The following NOX4 variants were observed in gnomAD, a reference collection of about 807,000 sequenced individuals.
NOX4 encodes kidney oxidase-1.
NOX4 carries 69 observed loss-of-function variants against 87.6 expected under a neutral mutation model. The ratio of observed to expected loss-of-function variants is 0.79; its 90% CI spans 0.65 to 0.96. The LOEUF (loss-of-function observed/expected upper bound fraction) is 0.96, where lower values mean the gene tolerates loss of function less well. NOX4 is among the 40% of genes least tolerant of loss of function. The probability of loss-of-function intolerance (pLI) is 0.00; values close to 1 mark genes in which losing one functional copy is unlikely to be tolerated. For missense variants in NOX4, 680 were observed against 681.5 expected (o/e 1.00, Z 0.02); for synonymous variants, 275 against 238.2 (o/e 1.15, Z -1.42).
upstream of NOX4, among the ~76,000 whole-genome samples, chr11:89,492,483 A>C (rs1946883604): frequency 1.3e-5 from 2 of 152,222 alleles, no homozygotes; most frequent in African/African-American, 2.4e-5. Flanking sequence ...CACTACATGC[A>C]ATATACTTAT....
At chr11:89,509,186 C>G in the NOX4 span, among the ~76,000 whole-genome samples, 1 of 151,926 alleles carries the variant, frequency 6.6e-6, no homozygotes, top group Non-Finnish European at 1.5e-5. Flanking sequence ...TTTCTTCCAA[C>G]AGAATTGCAT....
At chr11:89,462,289 A>C (rs552470084) in intron 2 of NOX4, among the ~76,000 whole-genome samples, 1 of 152,246 alleles carries the variant, frequency 6.6e-6, no homozygotes, top group Admixed American at 6.5e-5. Context: ...AAAGATGTCA[A>C]TCTCTCAAAA....
chr11:89,327,467 A>T (rs10501701), intron 17 of NOX4, among the ~76,000 whole-genome samples: 11,171 of 152,232 alleles, frequency 0.073, 542 homozygotes, highest in East Asian at 0.14. Context: ...TATGCACTGC[A>T]ATAATGGTAA....
chr11:89,575,688 C>T, the NOX4 span, among the ~76,000 whole-genome samples: 3 of 151,996 alleles, frequency 2.0e-5, no homozygotes, highest in Non-Finnish European at 4.4e-5. Flanking sequence ...TTCCCTTTTA[C>T]TTTCTTTCTC....
At chr11:89,517,581 T>C in the NOX4 span, among the ~76,000 whole-genome samples, 1 of 151,966 alleles carries the variant, frequency 6.6e-6, no homozygotes, top group Non-Finnish European at 1.5e-5. Flanking sequence ...GCTCAAGTGA[T>C]TCTCCCATCT....
upstream of NOX4, among the ~76,000 whole-genome samples, chr11:89,502,786 G>T (rs368600414): frequency 1.3e-5 from 2 of 151,974 alleles, no homozygotes; most frequent in South Asian, 2.1e-4. Context: ...GGAATATATC[G>T]TAATATTCAT....
chr11:89,368,831 A>G (rs890258689), intron 12 of NOX4, among the ~76,000 whole-genome samples: 1 of 152,068 alleles, frequency 6.6e-6, no homozygotes, highest in African/African-American at 2.4e-5. Context: ...GAAGAGAAGC[A>G]CTTCTCTCAA....
At chr11:89,506,313 G>GAGAGAGAAAGA in the NOX4 span, among the ~76,000 whole-genome samples, 1 of 142,786 alleles carries the variant, frequency 7.0e-6, no homozygotes, top group Non-Finnish European at 1.6e-5. Context: ...GAGAGAGAAA[G>GAGAGAGAAAGA]AAAGAAAGAG....
At chr11:89,379,179 T>G (rs1470303621) in intron 11 of NOX4, among the ~76,000 whole-genome samples, 2 of 152,210 alleles carry the variant, frequency 1.3e-5, no homozygotes, top group South Asian at 4.2e-4. Context: ...TAAAGAGATG[T>G]CAACACATTT....
At chr11:89,529,233 A>C in the NOX4 span, among the ~76,000 whole-genome samples, 2 of 152,156 alleles carry the variant, frequency 1.3e-5, no homozygotes, top group African/African-American at 4.8e-5. Flanking sequence ...CTCAGTAAAC[A>C]TTTACATTCC....
exon 1 of NOX4, chr11:89,498,058 G>A (rs1946977903): frequency 6.6e-6 from 1 of 152,138 alleles, no homozygotes; most frequent in African/African-American, 2.4e-5. Context: ...AGAGGCCCAT[G>A]TAGACTCTTC....
intron 2 of NOX4, 36 bp from the exon 3 acceptor site, chr11:89,451,931 G>A: frequency 7.0e-7 from 1 of 1,429,668 alleles, no homozygotes; most frequent in Non-Finnish European, 9.9e-7. Flanking sequence ...CACAGTTAAG[G>A]ACAGTAGTAA....
chr11:89,580,382 A>G, the NOX4 span, among the ~76,000 whole-genome samples: 2 of 151,954 alleles, frequency 1.3e-5, no homozygotes, highest in Non-Finnish European at 2.9e-5. Flanking sequence ...AGGTCTCACT[A>G]TGTTGCCCAG....
chr11:89,436,986 A>G (rs1312426584), intron 6 of NOX4, among the ~76,000 whole-genome samples: 1 of 152,092 alleles, frequency 6.6e-6, no homozygotes, highest in African/African-American at 2.4e-5. Flanking sequence ...GATTCCATTG[A>G]AAAAAATTCC....
intron 2 of NOX4, among the ~76,000 whole-genome samples, chr11:89,470,849 A>T (rs1339707290): frequency 6.6e-6 from 1 of 152,146 alleles, no homozygotes; most frequent in African/African-American, 2.4e-5. Flanking sequence ...ATGCATTATG[A>T]AGATTAGCTA....
the NOX4 span, among the ~76,000 whole-genome samples, chr11:89,572,778 C>G: frequency 0.01 from 1,589 of 152,078 alleles, 31 homozygotes; most frequent in African/African-American, 0.036. Flanking sequence ...TTACATATAT[C>G]TCTTAAATAG....
intron 12 of NOX4, among the ~76,000 whole-genome samples, chr11:89,360,635 G>A (rs1220881976): frequency 6.6e-6 from 1 of 151,994 alleles, no homozygotes; most frequent in Admixed American, 6.6e-5. Context: ...TGAGTTCAGT[G>A]ATCTTTAAGC....
At chr11:89,449,272 A>AT (rs553599479) in intron 4 of NOX4, among the ~76,000 whole-genome samples, 168 bp downstream of exon 4, 23 of 152,200 alleles carry the variant, frequency 1.5e-4, no homozygotes, top group Admixed American at 3.9e-4. Flanking sequence ...CATTAATGAC[A>AT]TTATATGTTA....
chr11:89,387,040 A>C lies in NOX4; in HGVS notation c.1074+12977T>G, dbSNP rs551460561. ...ATCTTCTTTCAGCTTAATCTCTCCC[A>C]CTCTAGATTCCCATGCCACCCCTAA... On this transcript the variant is annotated intron_variant, in intron 11 of 17. Transcript: ENST00000263317. 8.7e-4 allele frequency among the ~76,000 whole-genome samples: 132 copies of C among 151,646 alleles called. 1 individual carries two copies. The highest frequency in any genetic ancestry group is 3.4e-3 in the Middle Eastern group (1 of 294).
Sources: allele counts gnomAD v4.1 joint callset (sites outside exome capture counted in the v4.1 genomes callset), GRCh38; gene constraint gnomAD v4.1.1; transcripts MANE v1.5; gene names NCBI Gene and HGNC (gene_info 2026-07-23, HGNC 2026-07-21).